The following COL26A1 variants were observed in gnomAD, a reference collection of about 807,000 sequenced individuals.
COL26A1 encodes collagen alpha-1(XXVI) chain.
Under a neutral mutation model 59.3 loss-of-function variants are expected in COL26A1, and 41 were observed. The observed-to-expected ratio is 0.69, with a 90% CI of 0.54 to 0.90. The LOEUF (loss-of-function observed/expected upper bound fraction) is 0.90. Ranked by LOEUF, COL26A1 falls within the 40% of genes least tolerant of loss-of-function variation. COL26A1 has a pLI of 0.00. For missense variants in COL26A1, 612 were observed against 602.3 expected, an observed-to-expected ratio of 1.02 and a Z score of -0.17; for synonymous variants, 266 against 256.0, an observed-to-expected ratio of 1.04 and a Z score of -0.37.
chr7:101,500,497 C>G (rs1383932199), intron 3 of COL26A1, among the ~76,000 whole-genome samples: 1 of 152,232 alleles, frequency 6.6e-6, no homozygotes, highest in East Asian at 1.9e-4. Context: ...CCCTGGCCAG[C>G]TTGCTGTCTG....
At chr7:101,549,346 C>A in intron 9 of COL26A1, 123 bp downstream of exon 9, 1 of 618,856 alleles carries the variant, frequency 1.6e-6, no homozygotes, top group South Asian at 2.1e-5. Context: ...GCCAGTCGGC[C>A]TGGCCGGTGA....
intron 3 of COL26A1, among the ~76,000 whole-genome samples, chr7:101,525,804 T>C (rs1003145904): frequency 6.6e-5 from 10 of 152,136 alleles, no homozygotes; most frequent in African/African-American, 2.4e-4. Flanking sequence ...CACTTCATTC[T>C]TACTTAAGTT....
In COL26A1 at chr7:101,538,984, G is replaced by GC. The variant is rs1410804640; in HGVS notation, c.448-904dup. Among the ~76,000 whole-genome samples the GC allele has an allele frequency of 1.1e-4, 16 of 152,232 alleles. No individual in the cohort carries two copies. In the East Asian group the frequency reaches 3.1e-3, roughly 29 times the overall value. On this transcript the variant is annotated intron_variant, in intron 4 of 12. Coordinates refer to ENST00000313669, the MANE Select transcript of COL26A1 (RefSeq NM_001278563.3). ...CCTGAGCCTATTTCTGGCACACAGC[G>GC]CCCCCTGCTGGCCTCTTCGGGGGCA... is the stretch of plus-strand genomic sequence containing the variant.
At chr7:101,385,608 T>A (rs1584359508) in intron 1 of COL26A1, among the ~76,000 whole-genome samples, 2 of 152,090 alleles carry the variant, frequency 1.3e-5, no homozygotes, top group Non-Finnish European at 2.9e-5. Context: ...TGACCTCAAG[T>A]GATCCACTTG....
At chr7:101,447,851 C>A in intron 3 of COL26A1, 64 bp downstream of exon 3, 1 of 946,534 alleles carries the variant, frequency 1.1e-6, no homozygotes, top group Non-Finnish European at 1.7e-6. Context: ...TTTCTCCCTT[C>A]TCTGGCCTCC....
rs752639732 is a variant in COL26A1 at position 101,540,012 on chromosome 7, C to T, written c.567C>T (p.His189=). The T allele has an allele frequency of 6.2e-7, 1 of 1,613,508 alleles. No homozygotes were observed. Among genetic ancestry groups the T allele is most frequent in the South Asian group, 1.1e-5 (1 of 91,034 alleles). The change falls in exon 5 of 13, where the codon CAC becomes CAT. Residue 189 remains histidine (H), a synonymous_variant. Transcript: ENST00000313669. ...DFLPDAIPLA[H]PVPRQRRPTG... ...TCCCCGACGCCATCCCTCTTGCTCA[C>T]CCTGTGCCACGACAGAGAAGGCCCA... is the stretch of plus-strand genomic sequence containing the variant.
chr7:101,526,241 G>T lies in COL26A1; in HGVS notation c.386-6841G>T, dbSNP rs569338863. 1.3e-4 allele frequency among the ~76,000 whole-genome samples: 20 copies of T among 152,132 alleles called. No individual in the cohort carries two copies. In the East Asian group the frequency reaches 3.7e-3, roughly 28 times the overall value. On this transcript the variant is annotated intron_variant, in intron 3 of 12. Coordinates refer to ENST00000313669, the MANE Select transcript of COL26A1 (RefSeq NM_001278563.3). Reference sequence around the variant, plus strand: ...TTTTTGTATTTTTAGTAGAGACGGGGTCTCTCCATGTTGGCCAGGCTGGTC... The same window carrying T: ...TTTTTGTATTTTTAGTAGAGACGGGTTCTCTCCATGTTGGCCAGGCTGGTC...
At chr7:101,548,410 C>T (rs1795786029) in intron 8 of COL26A1, among the ~76,000 whole-genome samples, 1 of 152,202 alleles carries the variant, frequency 6.6e-6, no homozygotes, top group Admixed American at 6.5e-5. Context: ...GCCCGGCCCT[C>T]TGGGTACTCC....
At chr7:101,557,258 G>T (rs1314129136) in intron 12 of COL26A1, 112 bp from the exon 13 acceptor site, 1 of 1,090,564 alleles carries the variant, frequency 9.2e-7, no homozygotes, top group Non-Finnish European at 1.3e-6. Context: ...CTGCTGCCTT[G>T]CTTCTCCACG....
intron 2 of COL26A1, among the ~76,000 whole-genome samples, chr7:101,428,169 G>A (rs1358006945): frequency 6.6e-6 from 1 of 151,976 alleles, no homozygotes; most frequent in East Asian, 1.9e-4. Flanking sequence ...GACAGCCCGG[G>A]CAACATAGTG....
intron 1 of COL26A1, among the ~76,000 whole-genome samples, chr7:101,378,753 C>A (rs1169522056): frequency 6.6e-6 from 1 of 152,100 alleles, no homozygotes; most frequent in Admixed American, 6.6e-5. Context: ...TCTCCCACCC[C>A]CTTTCTTGTT....
At chr7:101,412,236 C>T (rs535613818) in intron 1 of COL26A1, among the ~76,000 whole-genome samples, 1 of 152,290 alleles carries the variant, frequency 6.6e-6, no homozygotes, top group South Asian at 2.1e-4. Flanking sequence ...GTCAGTTTCC[C>T]ATTGCCATGA....
chr7:101,438,151 C>T (rs980300537), intron 2 of COL26A1, among the ~76,000 whole-genome samples: 3 of 151,268 alleles, frequency 2.0e-5, no homozygotes, highest in Non-Finnish European at 4.4e-5. Flanking sequence ...CACCTGAGGT[C>T]GGGAGTTGGA....
intron 4 of COL26A1, among the ~76,000 whole-genome samples, chr7:101,536,872 C>T (rs1795493784): frequency 1.3e-5 from 2 of 152,206 alleles, no homozygotes; most frequent in Non-Finnish European, 1.5e-5. Flanking sequence ...GCTGCAGCTC[C>T]AGGCATCACA....
At chr7:101,417,790 C>T (rs910487731) in intron 1 of COL26A1, among the ~76,000 whole-genome samples, 2 of 151,428 alleles carry the variant, frequency 1.3e-5, no homozygotes, top group Non-Finnish European at 2.9e-5. Flanking sequence ...GGTGCGATCT[C>T]GGCTCACTGC....
At chr7:101,519,766 C>T (rs80183423) in intron 3 of COL26A1, among the ~76,000 whole-genome samples, 3,173 of 152,302 alleles carry the variant, frequency 0.021, 39 homozygotes, top group Middle Eastern at 0.071. Flanking sequence ...CAGTAACTAA[C>T]GGAGCTAGAA....
At chr7:101,547,383 T>G in intron 8 of COL26A1, 144 bp downstream of exon 8, 1 of 530,046 alleles carries the variant, frequency 1.9e-6, no homozygotes, top group Middle Eastern at 3.1e-4. Flanking sequence ...TCCCACCCGC[T>G]GTGTGGCAGG....
chr7:101,447,359 T>G (rs1793223731), intron 2 of COL26A1, among the ~76,000 whole-genome samples: 1 of 152,236 alleles, frequency 6.6e-6, no homozygotes, highest in African/African-American at 2.4e-5. Flanking sequence ...ATATTATCAA[T>G]TTTGTTTCAG....
At chr7:101,557,323 T>C (rs765516183) in intron 12 of COL26A1, 47 bp from the exon 13 acceptor site, 15 of 1,559,796 alleles carry the variant, frequency 9.6e-6, no homozygotes, top group Non-Finnish European at 1.7e-6. Flanking sequence ...TACCCCCAAG[T>C]GTTCCTAAGG....
Sources: gnomAD v4.1 joint callset for allele counts (sites outside exome capture counted in the v4.1 genomes callset) on GRCh38, gnomAD v4.1.1 for gene constraint, MANE v1.5 for transcripts, NCBI Gene and HGNC (gene_info 2026-07-23, HGNC 2026-07-21) for gene names.